ZFY: variants seen among roughly 807,000 people sequenced by gnomAD.
ZFY encodes the protein zinc finger protein Y-linked, also known as zinc finger Y-chromosomal protein.
For missense variants in ZFY, 113 were observed against 170.9 expected (o/e 0.66, Z 1.89); for synonymous variants, 47 against 55.8 (o/e 0.84, Z 0.71).
intron 1 of ZFY, among the ~76,000 whole-genome samples, chrY:2,943,755 G>A (rs2051253029): frequency 3.0e-5 from 1 of 33,866 alleles, no homozygotes. Context: ...GGGAAATGAT[G>A]AAACAGACTT....
At chrY:2,942,969 A>G (rs964116010) in intron 1 of ZFY, among the ~76,000 whole-genome samples, 2 of 33,740 alleles carry the variant, frequency 5.9e-5, no homozygotes, top group African/African-American at 1.2e-4. Flanking sequence ...TATGAATAAC[A>G]ATTTCAAAAA....
chrY:2,980,437 G>T lies in ZFY; in HGVS notation c.*444G>T. The T allele has an allele frequency of 2.6e-5, 1 of 39,048 alleles. No individual in the cohort carries two copies. The highest frequency in any genetic ancestry group is 5.9e-5 in the Non-Finnish European group (1 of 17,040). The allele number at this position is 39,048 out of a possible 400,897, so 9.7% of individuals were successfully genotyped here. A position where few individuals can be genotyped will look rare whatever the true frequency, so the allele number is the denominator to read the frequency against. ...TACTGTCAAGTCCAATTAGCAAAAC[G>T]TGGTAATAATTTTTTTGTCAGTATT... is the stretch of plus-strand genomic sequence containing the variant. On this transcript the variant is annotated 3_prime_UTR_variant, in exon 8 of 8. Transcript: ENST00000155093.
At chrY:2,952,067 C>T (rs747099605) in intron 1 of ZFY, among the ~76,000 whole-genome samples, 10 of 31,920 alleles carry the variant, frequency 3.1e-4, no homozygotes, top group East Asian at 8.3e-4. Context: ...TACAGATGCC[C>T]GTCACAGTGC....
Position 2,976,732 on chromosome Y carries a change from G to A in ZFY, c.991G>A (p.Val331Ile). 2.5e-6 allele frequency: 1 copy of A among 392,977 alleles called. No individual in the cohort carries two copies. Among genetic ancestry groups the A allele is most frequent in the Non-Finnish European group, 3.6e-6 (1 of 278,635 alleles). ...EVIVGEEDAA[V>I]AAAAAAVHEQ... is the part of the protein sequence containing the mutation. ...GATCGTAGGAGAGGAGGATGCTGCT[G>A]TTGCAGCAGCAGCAGCTGCTGTGCA... The change falls in exon 6 of 8, where the codon GTT becomes ATT. Residue 331 changes from valine (V) to isoleucine (I), a missense_variant. Val to Ile is a conservative substitution (Grantham distance 29, BLOSUM62 3). Coordinates refer to ENST00000155093, the MANE Select transcript of ZFY (RefSeq NM_003411.4).
At chrY:2,970,708 T>C (rs2051345659) in intron 3 of ZFY, among the ~76,000 whole-genome samples, 2 of 33,756 alleles carry the variant, frequency 5.9e-5, no homozygotes. Context: ...CTTTCGTAGC[T>C]GATTGGCTTG....
chrY:2,941,129 A>G (rs976810726), intron 1 of ZFY, among the ~76,000 whole-genome samples: 7 of 34,065 alleles, frequency 2.1e-4, no homozygotes, highest in Admixed American at 1.3e-3. Context: ...ATATATTGAT[A>G]ATAAAACCTG....
At chrY:2,976,973 G>T in intron 6 of ZFY, 151 bp downstream of exon 6, 1 of 105,647 alleles carries the variant, frequency 9.5e-6, no homozygotes, top group Non-Finnish European at 1.8e-5. Flanking sequence ...TCAGGAGATT[G>T]AGACCATCCT....
intron 5 of ZFY, among the ~76,000 whole-genome samples, chrY:2,976,362 G>T (rs2051370448): frequency 3.1e-5 from 1 of 31,862 alleles, no homozygotes; most frequent in Non-Finnish European, 7.6e-5. Flanking sequence ...GCCCACCTTG[G>T]TCTCCCAAAG....
intron 1 of ZFY, among the ~76,000 whole-genome samples, chrY:2,940,598 C>T: frequency 3.0e-5 from 1 of 33,310 alleles, no homozygotes; most frequent in African/African-American, 1.2e-4. Flanking sequence ...GCCTTCAGTG[C>T]TTCCCAATCC....
At chrY:2,974,080 A>G in intron 3 of ZFY, among the ~76,000 whole-genome samples, 3 of 31,434 alleles carry the variant, frequency 9.5e-5, no homozygotes, top group African/African-American at 3.8e-4. Flanking sequence ...TAGAACTCAT[A>G]TATATGTTTT....
chrY:2,947,371 C>T, intron 1 of ZFY, among the ~76,000 whole-genome samples: 2 of 33,722 alleles, frequency 5.9e-5, no homozygotes, highest in Non-Finnish European at 1.5e-4. Context: ...AAACGCACTG[C>T]ATGATAATAA....
intron 3 of ZFY, among the ~76,000 whole-genome samples, chrY:2,969,658 G>A (rs1603311809): frequency 3.0e-5 from 1 of 33,061 alleles, no homozygotes; most frequent in East Asian, 7.8e-4. Flanking sequence ...TATATTTAAA[G>A]ATGATGCTAT....
At chrY:2,944,078 A>G (rs112611200) in intron 1 of ZFY, among the ~76,000 whole-genome samples, 2,396 of 33,675 alleles carry the variant, frequency 0.071, no homozygotes, top group Non-Finnish European at 0.11. Flanking sequence ...GAACTCCAGT[A>G]TATCAATTTA....
In ZFY at chrY:2,981,092, C is replaced by G; in HGVS notation, c.*1099C>G. 1 of 33,174 alleles carries G rather than the reference C, an allele frequency of 3.0e-5. No individual in the cohort carries two copies. Among genetic ancestry groups the G allele is most frequent in the African/African-American group, 1.2e-4 (1 of 8,603 alleles). 8.3% of individuals were successfully genotyped at this position (33,174 alleles called of 400,897 possible). On this transcript the variant is annotated 3_prime_UTR_variant, in exon 8 of 8. Transcript: ENST00000155093. ...AATTTTTCTGGAAAGCTATTTCAGACATAGATTTCATAGTATTTTTCTGAG... is the reference window on the plus strand; with the variant it reads ...AATTTTTCTGGAAAGCTATTTCAGAGATAGATTTCATAGTATTTTTCTGAG...
In ZFY at chrY:2,979,641, T is replaced by A; in HGVS notation, c.2054T>A (p.Met685Lys). Residue 685 changes from methionine to lysine, a missense_variant, in exon 8 of 8, where the codon ATG becomes AAG. Physicochemically the swap from Met to Lys is moderately conservative, Grantham distance 95 (BLOSUM62 -1). Transcript: ENST00000155093. Reference protein sequence around the residue: ...KHVAVHKGKKMHQCRHCDFKI... With the variant: ...KHVAVHKGKKKHQCRHCDFKI... ...GTGGCTGTCCACAAAGGTAAAAAAA[T>A]GCACCAATGTAGACATTGTGACTTT... 2.5e-6 allele frequency: 1 copy of A among 399,059 alleles called. No individual in the cohort carries two copies. Among genetic ancestry groups the A allele is most frequent in the Non-Finnish European group, 3.5e-6 (1 of 283,708 alleles).
At chrY:2,938,146 C>G (rs1603310546) in intron 1 of ZFY, among the ~76,000 whole-genome samples, 7 of 17,764 alleles carry the variant, frequency 3.9e-4, no homozygotes, top group South Asian at 2.8e-3. Flanking sequence ...CGCCACCACG[C>G]CGGGCTAATT....
intron 1 of ZFY, among the ~76,000 whole-genome samples, chrY:2,943,888 ATTG>A (rs2051253333): frequency 3.0e-5 from 1 of 33,540 alleles, no homozygotes; most frequent in Admixed American, 2.7e-4. Context: ...AGATGACTCT[ATTG>A]TTAGAAAGAT....
intron 1 of ZFY, among the ~76,000 whole-genome samples, chrY:2,938,981 G>GC: frequency 1.7e-4 from 1 of 5,926 alleles, no homozygotes; most frequent in South Asian, 4.7e-3. Context: ...AGCATACAGT[G>GC]CTTATATATA....
At chrY:2,937,488 C>CAAAAAAAA (rs780590951) in intron 1 of ZFY, among the ~76,000 whole-genome samples, 6 of 5,347 alleles carry the variant, frequency 1.1e-3, no homozygotes, top group African/African-American at 4.6e-3. Context: ...GAGTCTGTCT[C>CAAAAAAAA]AAAAAAAAAA....
Sources: gnomAD v4.1 joint callset for allele counts (sites outside exome capture counted in the v4.1 genomes callset) on GRCh38, gnomAD v4.1.1 for gene constraint, MANE v1.5 for transcripts, NCBI Gene and HGNC (gene_info 2026-07-23, HGNC 2026-07-21) for gene names.